Variants in OSTN observed in about 807,000 individuals in gnomAD.
OSTN encodes the protein osteocrin.
In OSTN, 9 loss-of-function variants were observed where a neutral mutation model predicts 12.0. That is an observed-to-expected ratio of 0.75 (90% confidence interval 0.45 to 1.30). The LOEUF (loss-of-function observed/expected upper bound fraction) is 1.30, where lower values mean the gene tolerates loss of function less well. Among genes scored for constraint, OSTN ranks in the 50% most tolerant of loss-of-function variants. The pLI is 0.00. For missense variants in OSTN, 148 were observed against 152.3 expected, an observed-to-expected ratio of 0.97 and a Z score of 0.15; for synonymous variants, 59 against 56.9, an observed-to-expected ratio of 1.04 and a Z score of -0.16.
At chr3:191,215,850 T>C (rs1576925026) in intron 2 of OSTN, among the ~76,000 whole-genome samples, 1 of 152,270 alleles carries the variant, frequency 6.6e-6, no homozygotes, top group East Asian at 1.9e-4. Flanking sequence ...CTTTTCTAGA[T>C]GCACAGTGCA....
chr3:191,224,612 T>G (rs1433293986), intron 3 of OSTN, among the ~76,000 whole-genome samples: 1 of 152,062 alleles, frequency 6.6e-6, no homozygotes, highest in East Asian at 1.9e-4. Flanking sequence ...AAACAAACCT[T>G]AGGATATTCC....
intron 4 of OSTN, among the ~76,000 whole-genome samples, chr3:191,251,395 G>A (rs543286519): frequency 8.5e-5 from 13 of 152,210 alleles, no homozygotes; most frequent in African/African-American, 2.6e-4. Context: ...TAACAAATAA[G>A]ACAAACTGGA....
chr3:191,220,008 A>C (rs1489102237), intron 3 of OSTN, among the ~76,000 whole-genome samples: 1 of 152,196 alleles, frequency 6.6e-6, no homozygotes, highest in African/African-American at 2.4e-5. Flanking sequence ...GTGAAATGTT[A>C]TCCATTGCTT....
At chr3:191,206,052 G>T (rs751604557) in intron 1 of OSTN, among the ~76,000 whole-genome samples, 2 of 152,008 alleles carry the variant, frequency 1.3e-5, no homozygotes, top group Admixed American at 1.3e-4. Context: ...AGACACGGTG[G>T]CAGGGCCTGT....
chr3:191,257,560 A>T lies in OSTN; in HGVS notation c.*13-5306A>T, dbSNP rs1050167659. Among the ~76,000 whole-genome samples, 11 of 152,204 alleles carry T rather than the reference A, an allele frequency of 7.2e-5. No individual in the cohort carries two copies. In the South Asian group the frequency reaches 2.1e-3, roughly 29 times the overall value. ...AAAGATGGACCAGGTGTTATCCCCC[A>T]CCCTCATCATGGGCATCTGTCTAGA... On this transcript the variant is annotated intron_variant, in intron 4 of 4. Coordinates refer to ENST00000682035, the MANE Select transcript of OSTN (RefSeq NM_198184.2).
chr3:191,205,716 C>A (rs1292872641), intron 1 of OSTN, among the ~76,000 whole-genome samples: 1 of 152,052 alleles, frequency 6.6e-6, no homozygotes, highest in Non-Finnish European at 1.5e-5. Context: ...ACATTTCTAT[C>A]TGATAACCAA....
chr3:191,237,345 C>A (rs1055359140), intron 3 of OSTN, among the ~76,000 whole-genome samples: 1 of 152,148 alleles, frequency 6.6e-6, no homozygotes, highest in Non-Finnish European at 1.5e-5. Context: ...TCTATCCTAA[C>A]GGGACTGCAG....
intron 3 of OSTN, among the ~76,000 whole-genome samples, chr3:191,241,433 C>T (rs960562217): frequency 1.1e-4 from 16 of 151,964 alleles, no homozygotes. Flanking sequence ...ATCCACCCGC[C>T]TCGGCCTCCC....
At chr3:191,242,417 A>T (rs926419578) in intron 3 of OSTN, among the ~76,000 whole-genome samples, 21 of 152,234 alleles carry the variant, frequency 1.4e-4, no homozygotes, top group Admixed American at 1.4e-3. Context: ...TGGATTCAAT[A>T]CAATTCTAGT....
intron 2 of OSTN, among the ~76,000 whole-genome samples, chr3:191,217,861 C>A (rs1218401519): frequency 6.6e-6 from 1 of 151,484 alleles, no homozygotes; most frequent in Non-Finnish European, 1.5e-5. Context: ...CTAGCACACA[C>A]TGGATTAGTA....
At chr3:191,228,966 T>C (rs1475236715) in intron 3 of OSTN, among the ~76,000 whole-genome samples, 1 of 152,220 alleles carries the variant, frequency 6.6e-6, no homozygotes, top group Non-Finnish European at 1.5e-5. Context: ...CAAGTCATTA[T>C]ATGCCTCCTG....
intron 3 of OSTN, among the ~76,000 whole-genome samples, chr3:191,233,953 T>TA (rs1715125519): frequency 6.6e-6 from 1 of 151,626 alleles, no homozygotes; most frequent in Non-Finnish European, 1.5e-5. Flanking sequence ...GATCACACCA[T>TA]TACACTCCAG....
At chr3:191,252,106 C>G (rs1715573331) in intron 4 of OSTN, among the ~76,000 whole-genome samples, 1 of 152,168 alleles carries the variant, frequency 6.6e-6, no homozygotes. Context: ...TTTTATCAGG[C>G]TGAAGTGCAG....
intron 3 of OSTN, among the ~76,000 whole-genome samples, chr3:191,224,880 A>AC (rs1714870948): frequency 6.6e-6 from 1 of 152,112 alleles, no homozygotes; most frequent in Non-Finnish European, 1.5e-5. Flanking sequence ...CATGATAGTA[A>AC]TAAAAAAATA....
At chr3:191,200,895 CTA>C (rs935184003) in intron 1 of OSTN, among the ~76,000 whole-genome samples, 6 of 152,144 alleles carry the variant, frequency 3.9e-5, no homozygotes, top group African/African-American at 1.4e-4. Flanking sequence ...AGGCAGAAAA[CTA>C]GACTTCTAAT....
intron 4 of OSTN, among the ~76,000 whole-genome samples, chr3:191,257,818 G>A (rs1715704973): frequency 6.6e-6 from 1 of 151,936 alleles, no homozygotes; most frequent in South Asian, 2.1e-4. Context: ...AAAGCATTTG[G>A]TCTTAATTTA....
rs1715893895 is a variant in OSTN at position 191,265,103 on chromosome 3, G to C, written c.*2250G>C. ...AGTCAGCAATATACTAAATAATGGG[G>C]CTATTCTTTTAACATAGCAGTAAAT... On this transcript the variant is annotated 3_prime_UTR_variant, in exon 5 of 5. Coordinates refer to ENST00000682035, the MANE Select transcript of OSTN (RefSeq NM_198184.2). The C allele has an allele frequency of 6.6e-6, 1 of 151,964 alleles. No homozygotes were observed. Among genetic ancestry groups the C allele is most frequent in the South Asian group, 2.1e-4 (1 of 4,834 alleles). 9.4% of individuals were successfully genotyped at this position (151,964 alleles called of 1,614,324 possible).
intron 4 of OSTN, among the ~76,000 whole-genome samples, chr3:191,253,890 C>T (rs1158225502): frequency 1.3e-5 from 2 of 152,160 alleles, no homozygotes; most frequent in African/African-American, 4.8e-5. Context: ...TTTTTATTTA[C>T]TTCAATCCCC....
intron 1 of OSTN, among the ~76,000 whole-genome samples, chr3:191,205,405 T>C (rs1039929204): frequency 3.3e-5 from 5 of 150,640 alleles, no homozygotes; most frequent in African/African-American, 1.2e-4. Context: ...TATTCTTTCA[T>C]TGACAGAGAA....
Sources: allele counts gnomAD v4.1 joint callset (sites outside exome capture counted in the v4.1 genomes callset), GRCh38; gene constraint gnomAD v4.1.1; transcripts MANE v1.5; gene names NCBI Gene and HGNC (gene_info 2026-07-23, HGNC 2026-07-21).